Variants in SCD5 observed in about 807,000 individuals in gnomAD.
The protein encoded by SCD5 is stearoyl-CoA desaturase 5.
SCD5 carries 20 observed loss-of-function variants against 30.4 expected under a neutral mutation model. That is an observed-to-expected ratio of 0.66 (90% CI 0.46 to 0.96). The LOEUF is 0.96. Ranked by LOEUF, SCD5 falls within the 40% of genes least tolerant of loss-of-function variation. SCD5 has a pLI of 0.00. For synonymous variants in SCD5, 173 were observed against 176.4 expected (o/e 0.98, Z 0.16); for missense variants, 381 against 443.3 (o/e 0.86, Z 1.26).
Position 82,705,488 on chromosome 4 carries a change from T to C in SCD5, c.233-75A>G, listed in dbSNP as rs1719950917. ...AACACCCCCCATGCTTTTTCTCTCC[T>C]GAACAGGGACACACGTGAAATGGTG... On this transcript the variant is annotated intron_variant, in intron 1 of 4. Coordinates refer to ENST00000319540, the MANE Select transcript of SCD5 (RefSeq NM_001037582.3). 4.4e-6 allele frequency: 7 copies of C among 1,574,316 alleles called. No homozygotes were observed. In the Admixed American group the frequency reaches 1.1e-4, roughly 24 times the overall value.
chr4:82,783,596 G>A (rs1721924550), intron 1 of SCD5, among the ~76,000 whole-genome samples: 1 of 152,102 alleles, frequency 6.6e-6, no homozygotes, highest in South Asian at 2.1e-4. Context: ...CCTGAGGTCG[G>A]AGGTCGAGAC....
At chr4:82,748,818 T>C (rs554626296) in intron 1 of SCD5, among the ~76,000 whole-genome samples, 4 of 152,342 alleles carry the variant, frequency 2.6e-5, no homozygotes, top group African/African-American at 7.2e-5. Flanking sequence ...TAATGTACTC[T>C]GAACTTCAGT....
intron 1 of SCD5, among the ~76,000 whole-genome samples, chr4:82,798,080 T>TGGGGCGGGGG (rs1436762424): frequency 7.7e-5 from 2 of 25,812 alleles, no homozygotes; most frequent in African/African-American, 2.1e-4. Context: ...CGCGGCGGGG[T>TGGGGCGGGGG]GGGGGCGGGG....
intron 3 of SCD5, among the ~76,000 whole-genome samples, chr4:82,667,986 C>A (rs1245721328): frequency 1.3e-5 from 2 of 152,082 alleles, no homozygotes; most frequent in Admixed American, 6.6e-5. Flanking sequence ...AAGAATAAAT[C>A]AAAGCAGGAT....
chr4:82,635,997 T>G (rs1001420024), intron 4 of SCD5, among the ~76,000 whole-genome samples: 3 of 152,234 alleles, frequency 2.0e-5, no homozygotes, highest in African/African-American at 7.2e-5. Flanking sequence ...CAACTGCTGC[T>G]TCTCCTTTAG....
intron 1 of SCD5, among the ~76,000 whole-genome samples, chr4:82,795,072 T>G (rs1268351405): frequency 6.6e-6 from 1 of 152,214 alleles, no homozygotes; most frequent in Non-Finnish European, 1.5e-5. Context: ...CAACATGCTC[T>G]GGCCCCAAGG....
chr4:82,727,771 G>A (rs918488552), intron 1 of SCD5, among the ~76,000 whole-genome samples: 4 of 152,104 alleles, frequency 2.6e-5, no homozygotes, highest in Non-Finnish European at 4.4e-5. Context: ...CAGTGACCGC[G>A]ATCTCGGTTC....
At chr4:82,716,805 C>T (rs1258458479) in intron 1 of SCD5, among the ~76,000 whole-genome samples, 1 of 151,722 alleles carries the variant, frequency 6.6e-6, no homozygotes, top group African/African-American at 2.4e-5. Flanking sequence ...CAGAGCTAGA[C>T]TCAGTCTCAA....
At chr4:82,742,574 G>A (rs976804341) in intron 1 of SCD5, among the ~76,000 whole-genome samples, 5 of 152,172 alleles carry the variant, frequency 3.3e-5, no homozygotes, top group Admixed American at 2.6e-4. Flanking sequence ...ATCACTTGAG[G>A]CCAGGAGTTC....
chr4:82,749,323 G>A (rs551975879), intron 1 of SCD5, among the ~76,000 whole-genome samples: 1 of 152,304 alleles, frequency 6.6e-6, no homozygotes, highest in East Asian at 1.9e-4. Context: ...AGTCCGGGGT[G>A]ATAAGGAATA....
At chr4:82,686,546 T>G (rs1167974216) in intron 2 of SCD5, among the ~76,000 whole-genome samples, 3 of 152,176 alleles carry the variant, frequency 2.0e-5, no homozygotes, top group Non-Finnish European at 2.9e-5. Flanking sequence ...GGATGCTAAC[T>G]GCAATAAAAA....
At chr4:82,655,225 T>C (rs4693046) in intron 3 of SCD5, among the ~76,000 whole-genome samples, 115,320 of 152,094 alleles carry the variant, frequency 0.76, 44,587 homozygotes, top group East Asian at 0.99. Context: ...AGGACTCTCT[T>C]TTTTTCCCTT....
intron 3 of SCD5, among the ~76,000 whole-genome samples, chr4:82,648,132 A>C (rs1277681408): frequency 6.6e-6 from 1 of 152,216 alleles, no homozygotes; most frequent in Non-Finnish European, 1.5e-5. Flanking sequence ...ACTATTTGCT[A>C]TCTCAGTCGG....
At chr4:82,690,491 C>T (rs983163601) in intron 2 of SCD5, among the ~76,000 whole-genome samples, 2 of 152,144 alleles carry the variant, frequency 1.3e-5, no homozygotes, top group Non-Finnish European at 2.9e-5. Context: ...TTTCCCCTTC[C>T]ACTCCATTTC....
intron 2 of SCD5, among the ~76,000 whole-genome samples, chr4:82,689,254 T>G (rs942859866): frequency 6.6e-6 from 1 of 152,170 alleles, no homozygotes; most frequent in African/African-American, 2.4e-5. Context: ...TAAAAAATGA[T>G]GGGGCATGTC....
At chr4:82,761,752 C>G (rs1721375473) in intron 1 of SCD5, among the ~76,000 whole-genome samples, 4 of 151,462 alleles carry the variant, frequency 2.6e-5, no homozygotes, top group Non-Finnish European at 4.4e-5. Context: ...CACAACAGTC[C>G]CCAGAGTGTG....
intron 1 of SCD5, among the ~76,000 whole-genome samples, chr4:82,748,567 G>A (rs1347869717): frequency 6.6e-6 from 1 of 152,110 alleles, no homozygotes; most frequent in Non-Finnish European, 1.5e-5. Flanking sequence ...AGGCACAAGG[G>A]CAAAAAAGTT....
chr4:82,631,658 TCCAA>T, intron 4 of SCD5, 141 bp from the exon 5 acceptor site: 1 of 728,718 alleles, frequency 1.4e-6, no homozygotes, highest in Non-Finnish European at 2.2e-6. Flanking sequence ...GGTTACTGAC[TCCAA>T]AGGCATTGAC....
chr4:82,798,581 C>G lies in SCD5; in HGVS notation c.-44G>C, dbSNP rs1363153853. ...CCCGCAGCAGCGGCAGGCAGGCAGG[C>G]GCTCTGCCCGAGCGGAGCTCGAGGG... On this transcript the variant is annotated 5_prime_UTR_variant, in exon 1 of 5. Coordinates refer to ENST00000319540, the MANE Select transcript of SCD5 (RefSeq NM_001037582.3). 1.3e-6 allele frequency: 2 copies of G among 1,504,020 alleles called. No individual in the cohort carries two copies. Among genetic ancestry groups the G allele is most frequent in the Non-Finnish European group, 1.8e-6 (2 of 1,123,230 alleles). 93.2% of individuals were successfully genotyped at this position (1,504,020 alleles called of 1,614,324 possible).
Sources: allele counts gnomAD v4.1 joint callset (sites outside exome capture counted in the v4.1 genomes callset), GRCh38; gene constraint gnomAD v4.1.1; transcripts MANE v1.5; gene names NCBI Gene and HGNC (gene_info 2026-07-23, HGNC 2026-07-21).